IL1RAPL2: variants seen among roughly 807,000 people sequenced by gnomAD.
IL1RAPL2 encodes the protein X-linked interleukin-1 receptor accessory protein-like 2.
IL1RAPL2 carries 3 observed loss-of-function variants against 44.1 expected under a neutral mutation model. That is an observed-to-expected ratio of 0.07 (90% CI 0.03 to 0.18). The LOEUF is 0.18. IL1RAPL2 is among the 10% of genes least tolerant of loss of function. The pLI is 1.00. For synonymous variants in IL1RAPL2, 181 were observed against 178.8 expected, an observed-to-expected ratio of 1.01 and a Z score of -0.10; for missense variants, 391 against 496.4, an observed-to-expected ratio of 0.79 and a Z score of 2.02.
In IL1RAPL2 at chrX:105,703,294, C is replaced by T. The variant is rs183624620; in HGVS notation, c.773-14073C>T. Among the ~76,000 whole-genome samples, 7 of 110,955 alleles carry T rather than the reference C, an allele frequency of 6.3e-5. No individual in the cohort carries two copies. In the East Asian group the frequency reaches 2.0e-3, roughly 32 times the overall value. ...ATATTACCAAATGCTCCCTCTGGGG[C>T]ACAACTTCACCCTATTGAGAACCAT... On this transcript the variant is annotated intron_variant, in intron 6 of 10. Coordinates refer to ENST00000372582, the MANE Select transcript of IL1RAPL2 (RefSeq NM_017416.2).
At chrX:104,890,712 G>A in intron 2 of IL1RAPL2, among the ~76,000 whole-genome samples, 1 of 112,112 alleles carries the variant, frequency 8.9e-6, no homozygotes, top group East Asian at 2.8e-4. Context: ...TTTGTCAGAT[G>A]AGTAGATTGC....
intron 2 of IL1RAPL2, among the ~76,000 whole-genome samples, chrX:104,960,566 G>A (rs2029986447): frequency 9.0e-6 from 1 of 110,897 alleles, no homozygotes; most frequent in South Asian, 3.8e-4. Flanking sequence ...AAAAGAAATA[G>A]GTATGCATTC....
chrX:105,137,971 G>T (rs2033091548), intron 2 of IL1RAPL2, among the ~76,000 whole-genome samples: 1 of 111,932 alleles, frequency 8.9e-6, no homozygotes, highest in African/African-American at 3.3e-5. Context: ...TACTCGGGAG[G>T]CTGAGGTGAG....
At chrX:104,633,271 A>G (rs1929698631) in intron 1 of IL1RAPL2, among the ~76,000 whole-genome samples, 1 of 111,522 alleles carries the variant, frequency 9.0e-6, no homozygotes, top group African/African-American at 3.3e-5. Context: ...TTTTGCATCG[A>G]TGTTCATCAG....
chrX:105,575,845 CT>C (rs746284959), intron 6 of IL1RAPL2, among the ~76,000 whole-genome samples: 1 of 111,917 alleles, frequency 8.9e-6, no homozygotes, highest in South Asian at 3.7e-4. Flanking sequence ...CTATTTTTGA[CT>C]TTTTAATAAT....
intron 5 of IL1RAPL2, among the ~76,000 whole-genome samples, chrX:105,426,165 C>CATTG (rs760141592): frequency 4.5e-5 from 5 of 110,072 alleles, no homozygotes; most frequent in South Asian, 3.9e-4. Context: ...ACTCAATAAA[C>CATTG]ATTGATTGAT....
intron 5 of IL1RAPL2, among the ~76,000 whole-genome samples, chrX:105,474,139 A>C (rs1396021995): frequency 8.9e-6 from 1 of 111,827 alleles, no homozygotes; most frequent in Non-Finnish European, 1.9e-5. Flanking sequence ...AGGTTTCCTT[A>C]AAAATAGAAG....
chrX:104,916,372 T>A (rs1416428436), intron 2 of IL1RAPL2, among the ~76,000 whole-genome samples: 1 of 111,686 alleles, frequency 9.0e-6, no homozygotes, highest in Non-Finnish European at 1.9e-5. Flanking sequence ...TCTCTGTTTG[T>A]CTGTTATTGG....
chrX:105,699,057 T>C (rs957586342), intron 6 of IL1RAPL2, among the ~76,000 whole-genome samples: 1 of 111,660 alleles, frequency 9.0e-6, no homozygotes, highest in Non-Finnish European at 1.9e-5. Context: ...TGAAAATATG[T>C]AGGGTTTTTT....
At chrX:104,583,743 T>A (rs889766927) in intron 1 of IL1RAPL2, among the ~76,000 whole-genome samples, 1 of 111,886 alleles carries the variant, frequency 8.9e-6, no homozygotes, top group African/African-American at 3.3e-5. Context: ...CACTAAGCAC[T>A]GATCCAGATA....
chrX:104,705,863 T>G (rs1392686530), intron 2 of IL1RAPL2, among the ~76,000 whole-genome samples: 1 of 111,484 alleles, frequency 9.0e-6, no homozygotes, highest in Admixed American at 9.6e-5. Flanking sequence ...GATTAATAGT[T>G]CTTTAAAGGC....
rs148986041 is a variant in IL1RAPL2 at position 105,529,597 on chromosome X, C to T, written c.772+45210C>T. 3.7e-3 allele frequency among the ~76,000 whole-genome samples: 407 copies of T among 111,262 alleles called. 3 individuals are homozygous for T. The highest frequency in any genetic ancestry group is 0.013 in the African/African-American group (395 of 30,667). ...AAGTGTACAGCTCAGTGAATTATTA[C>T]CATTTTAACCATTTTAAGTATACAA... On this transcript the variant is annotated intron_variant, in intron 6 of 10. Coordinates refer to ENST00000372582, the MANE Select transcript of IL1RAPL2 (RefSeq NM_017416.2).
At chrX:104,583,554 T>G (rs1928454671) in intron 1 of IL1RAPL2, among the ~76,000 whole-genome samples, 1 of 112,342 alleles carries the variant, frequency 8.9e-6, no homozygotes, top group Non-Finnish European at 1.9e-5. Context: ...TCAAAGTGCA[T>G]CCATTTTGTA....
chrX:104,996,076 A>G lies in IL1RAPL2; in HGVS notation c.83-199399A>G, dbSNP rs968817013. Among the ~76,000 whole-genome samples the G allele has an allele frequency of 4.5e-5, 5 of 111,270 alleles. No individual in the cohort carries two copies. In the South Asian group the frequency reaches 1.5e-3, roughly 34 times the overall value. The stretch of plus-strand genomic sequence containing the variant: ...ATAGTGTTATGCTTTTTTTCCCCCT[A>G]TCAGAGTCATTCCCCAAACATAATA... On this transcript the variant is annotated intron_variant, in intron 2 of 10. Coordinates refer to ENST00000372582, the MANE Select transcript of IL1RAPL2 (RefSeq NM_017416.2).
intron 2 of IL1RAPL2, among the ~76,000 whole-genome samples, chrX:105,182,058 C>A (rs1413623247): frequency 2.1e-5 from 2 of 96,208 alleles, no homozygotes; most frequent in Non-Finnish European, 4.0e-5. Flanking sequence ...CAGAGTGAGA[C>A]TCTGTCAAAA....
intron 6 of IL1RAPL2, among the ~76,000 whole-genome samples, chrX:105,643,222 A>C (rs948942698): frequency 7.2e-5 from 8 of 111,750 alleles, no homozygotes; most frequent in African/African-American, 2.6e-4. Flanking sequence ...GGTGTGTACA[A>C]AGTTGAAAGT....
intron 2 of IL1RAPL2, among the ~76,000 whole-genome samples, chrX:105,138,345 A>G (rs904387134): frequency 9.0e-6 from 1 of 110,704 alleles, no homozygotes; most frequent in African/African-American, 3.3e-5. Flanking sequence ...TTATTTTTTC[A>G]GTCTTTTATT....
chrX:104,636,551 C>A (rs1207555546), intron 1 of IL1RAPL2, among the ~76,000 whole-genome samples: 5 of 111,912 alleles, frequency 4.5e-5, no homozygotes, highest in Non-Finnish European at 7.5e-5. Flanking sequence ...GGCGGGCACC[C>A]CTCCCCCAGC....
intron 5 of IL1RAPL2, among the ~76,000 whole-genome samples, chrX:105,285,125 C>T (rs970388891): frequency 2.7e-5 from 3 of 111,917 alleles, no homozygotes; most frequent in African/African-American, 9.7e-5. Context: ...GGTGCTGATT[C>T]GCATAACATT....
Sources: allele counts gnomAD v4.1 joint callset (sites outside exome capture counted in the v4.1 genomes callset), GRCh38; gene constraint gnomAD v4.1.1; transcripts MANE v1.5; gene names NCBI Gene and HGNC (gene_info 2026-07-23, HGNC 2026-07-21).